The following XRN2 variants were observed in gnomAD, a reference collection of about 807,000 sequenced individuals.
XRN2 encodes 5'-3' exoribonuclease 2.
In XRN2, 44 loss-of-function variants were observed where a neutral mutation model predicts 138.5. The observed-to-expected ratio is 0.32, with a 90% confidence interval of 0.25 to 0.41. The LOEUF is 0.41. Ranked by LOEUF, XRN2 falls within the 10% of genes least tolerant of loss-of-function variation. The pLI is 1.00. For missense variants in XRN2, 937 were observed against 1,169.3 expected, an observed-to-expected ratio of 0.80 and a Z score of 2.90; for synonymous variants, 354 against 369.4, an observed-to-expected ratio of 0.96 and a Z score of 0.48.
intron 29 of XRN2, among the ~76,000 whole-genome samples, chr20:21,388,369 T>G (rs2038956558): frequency 6.6e-6 from 1 of 152,350 alleles, no homozygotes; most frequent in South Asian, 2.1e-4. Context: ...TTTATTATTC[T>G]TTTAGGACTT....
At chr20:21,379,250 A>T (rs1388524345) in intron 27 of XRN2, among the ~76,000 whole-genome samples, 1 of 152,008 alleles carries the variant, frequency 6.6e-6, no homozygotes, top group Non-Finnish European at 1.5e-5. Context: ...CTGTCTCAGA[A>T]TTTTTTTTCT....
At chr20:21,369,916 G>A (rs1474663910) in intron 27 of XRN2, among the ~76,000 whole-genome samples, 1 of 152,132 alleles carries the variant, frequency 6.6e-6, no homozygotes, top group East Asian at 1.9e-4. Flanking sequence ...GCCTGTGCTT[G>A]TGGGGTATTG....
intron 27 of XRN2, among the ~76,000 whole-genome samples, chr20:21,378,112 G>A (rs2038846248): frequency 6.6e-6 from 1 of 152,202 alleles, no homozygotes; most frequent in Admixed American, 6.5e-5. Flanking sequence ...AGATTCCAGT[G>A]TTTTAGCCAA....
At chr20:21,349,496 GAACA>G in intron 20 of XRN2, 35 bp downstream of exon 20, 1 of 1,403,542 alleles carries the variant, frequency 7.1e-7, no homozygotes, top group Non-Finnish European at 1.0e-6. Context: ...GTAAAACTGT[GAACA>G]AACATAATTT....
chr20:21,366,163 T>TATA (rs2038698063), intron 26 of XRN2, among the ~76,000 whole-genome samples: 2 of 107,808 alleles, frequency 1.9e-5, no homozygotes, highest in Non-Finnish European at 3.6e-5. Flanking sequence ...TATTTATAGT[T>TATA]TATATAATAT....
intron 21 of XRN2, among the ~76,000 whole-genome samples, chr20:21,355,804 A>T (rs1301488277): frequency 1.3e-5 from 2 of 152,164 alleles, no homozygotes; most frequent in African/African-American, 2.4e-5. Flanking sequence ...GGTAATTGGG[A>T]TATCCATCAC....
chr20:21,337,087 C>T (rs556735646), intron 13 of XRN2, among the ~76,000 whole-genome samples: 406 of 152,282 alleles, frequency 2.7e-3, no homozygotes, highest in South Asian at 8.7e-3. Flanking sequence ...AACAGGTCAT[C>T]ATAGGACTGT....
chr20:21,358,512 A>G (rs1032103304), intron 24 of XRN2, among the ~76,000 whole-genome samples: 4 of 152,210 alleles, frequency 2.6e-5, no homozygotes, highest in African/African-American at 9.6e-5. Context: ...CATCTCAGGT[A>G]TTCAAGAATT....
chr20:21,324,497 C>T (rs199726699), intron 1 of XRN2, among the ~76,000 whole-genome samples: 2 of 145,390 alleles, frequency 1.4e-5, no homozygotes, highest in Non-Finnish European at 1.5e-5. Context: ...TGTATATGTT[C>T]TTTTTTTTTT....
At chr20:21,303,528 G>A (rs2037768091) in intron 1 of XRN2, 55 bp downstream of exon 1, 1 of 1,510,160 alleles carries the variant, frequency 6.6e-7, no homozygotes, top group Non-Finnish European at 8.8e-7. Flanking sequence ...GGCACGTCTA[G>A]GCCGCGGCCC....
Position 21,372,703 on chromosome 20 carries a change from C to T in XRN2, c.2584+4113C>T, listed in dbSNP as rs190370469. On this transcript the variant is annotated intron_variant, in intron 27 of 29. Transcript: ENST00000377191. ...ATGTAACATATGTAAAGTGCTAAATCGAACCGTACAGTGTAGTTTTTATGA... is the reference window on the plus strand; with the variant it reads ...ATGTAACATATGTAAAGTGCTAAATTGAACCGTACAGTGTAGTTTTTATGA... 6.8e-4 allele frequency among the ~76,000 whole-genome samples: 103 copies of T among 152,080 alleles called. 1 individual carries two copies. The highest frequency in any genetic ancestry group is 2.4e-3 in the African/African-American group (99 of 41,486).
At chr20:21,342,492 ATTATTTG>A (rs2038385030) in intron 15 of XRN2, among the ~76,000 whole-genome samples, 1 of 152,160 alleles carries the variant, frequency 6.6e-6, no homozygotes, top group Non-Finnish European at 1.5e-5. Flanking sequence ...AAAGTATATT[ATTATTTG>A]TTTTCTAAAG....
In XRN2 at chr20:21,389,396, GA is replaced by G; in HGVS notation, c.*61del. 2 of 1,515,612 alleles carry G rather than the reference GA, an allele frequency of 1.3e-6. No homozygotes were observed. Among genetic ancestry groups the G allele is most frequent in the Non-Finnish European group, 1.8e-6 (2 of 1,114,962 alleles). 93.9% of individuals were successfully genotyped at this position (1,515,612 alleles called of 1,614,324 possible). ...ATTCTACAGTTTTATGCTATTTGTGGAAAGATTTCTTTCTCAAGTAGTAGTT... is the reference window on the plus strand; with the variant it reads ...ATTCTACAGTTTTATGCTATTTGTGGAAGATTTCTTTCTCAAGTAGTAGTT... On this transcript the variant is annotated 3_prime_UTR_variant, in exon 30 of 30. Transcript: ENST00000377191.
At position 21,341,000 on chromosome 20, in the gene XRN2, G is replaced by C. The variant is rs964667149; in HGVS notation, c.1410+148G>C. 5.9e-6 allele frequency: 5 copies of C among 846,622 alleles called. No individual in the cohort carries two copies. In the African/African-American group the frequency reaches 8.6e-5, roughly 15 times the overall value. 52.4% of individuals were successfully genotyped at this position (846,622 alleles called of 1,614,324 possible). On this transcript the variant is annotated intron_variant, in intron 15 of 29. Coordinates refer to ENST00000377191, the MANE Select transcript of XRN2 (RefSeq NM_012255.5). ...TTTGCCTTGAGAAATGTTTAGTTCTGTTAAGTCCATCTTTATCAATATGAA... is the reference window on the plus strand; with the variant it reads ...TTTGCCTTGAGAAATGTTTAGTTCTCTTAAGTCCATCTTTATCAATATGAA...
intron 14 of XRN2, among the ~76,000 whole-genome samples, chr20:21,339,845 C>T (rs2038348629): frequency 6.6e-6 from 1 of 151,986 alleles, no homozygotes; most frequent in Admixed American, 6.6e-5. Flanking sequence ...CTTATCTTCC[C>T]TACTAGATTT....
intron 9 of XRN2, 48 bp downstream of exon 9, chr20:21,332,488 T>G: frequency 6.8e-7 from 1 of 1,477,810 alleles, no homozygotes; most frequent in Non-Finnish European, 9.1e-7. Context: ...AAAAATCTAT[T>G]GTGGTAAAAT....
chr20:21,342,069 C>G (rs1319059074), intron 15 of XRN2, among the ~76,000 whole-genome samples: 4 of 152,100 alleles, frequency 2.6e-5, no homozygotes, highest in Non-Finnish European at 5.9e-5. Context: ...ACAATTATTT[C>G]TATATAGAGG....
chr20:21,325,089 C>G (rs2038105760), intron 1 of XRN2, among the ~76,000 whole-genome samples: 1 of 152,210 alleles, frequency 6.6e-6, no homozygotes, highest in Admixed American at 6.5e-5. Context: ...CTTGGTACTT[C>G]ATGACTGGCT....
At chr20:21,356,033 G>A (rs758100872) in intron 21 of XRN2, 47 bp from the exon 22 acceptor site, 4 of 1,482,684 alleles carry the variant, frequency 2.7e-6, no homozygotes, top group Non-Finnish European at 3.7e-6. Context: ...TGGTCTTGCA[G>A]GTACAATTTT....
Sources: allele counts gnomAD v4.1 joint callset (sites outside exome capture counted in the v4.1 genomes callset), GRCh38; gene constraint gnomAD v4.1.1; transcripts MANE v1.5; gene names NCBI Gene and HGNC (gene_info 2026-07-23, HGNC 2026-07-21).